The following SPAG8 variants were observed in gnomAD, a reference collection of about 807,000 sequenced individuals.
SPAG8 encodes the protein sperm-associated antigen 8.
SPAG8 carries 36 observed loss-of-function variants against 45.3 expected under a neutral mutation model. The ratio of observed to expected loss-of-function variants is 0.80; its 90% CI spans 0.61 to 1.05. SPAG8 has a LOEUF of 1.05. SPAG8 is among the 50% of genes least tolerant of loss of function. The pLI, the probability that SPAG8 is intolerant of heterozygous loss-of-function variation, is 0.00. For missense variants in SPAG8, 573 were observed against 609.2 expected, an observed-to-expected ratio of 0.94 and a Z score of 0.63; for synonymous variants, 227 against 232.6, an observed-to-expected ratio of 0.98 and a Z score of 0.22.
At chr9:35,808,072 C>T (rs1391978381), downstream of SPAG8, 2 of 842,436 alleles carry the variant, frequency 2.4e-6, no homozygotes, top group Non-Finnish European at 4.0e-6. The surrounding 1 kb of genome is among the most constrained non-coding windows in gnomAD (Gnocchi z 4.0). Context: ...CATTTATTCT[C>T]TTACATAGCT....
downstream of SPAG8, chr9:35,809,441 T>C: frequency 2.5e-6 from 4 of 1,614,232 alleles, no homozygotes; most frequent in Non-Finnish European, 2.5e-6. This position sits in a 1 kb window ranked among gnomAD's most constrained non-coding sequence, Gnocchi z 4.1. Context: ...CCTGGACTCC[T>C]GTAAACCCCC....
chr9:35,810,171 C>G, intron 6 of SPAG8, 39 bp from the exon 7 acceptor site: 4 of 1,608,620 alleles, frequency 2.5e-6, no homozygotes, highest in Non-Finnish European at 3.4e-6. Context: ...CCCACTCTCC[C>G]CAAGCCAGAA....
At position 35,810,910 on chromosome 9, in the gene SPAG8, G is replaced by T. The variant is rs748330272; in HGVS notation, c.1012C>A (p.Pro338Thr). 9.9e-6 allele frequency: 16 copies of T among 1,613,728 alleles called. No individual in the cohort carries two copies. The highest frequency in any genetic ancestry group is 1.2e-5 in the Non-Finnish European group (14 of 1,179,886). ...CGAAGTGGCCAATAGACGTTTCCTGGTGGCTGGTACGAGTCTTTCTGGGTG... is the reference window on the plus strand; with the variant it reads ...CGAAGTGGCCAATAGACGTTTCCTGTTGGCTGGTACGAGTCTTTCTGGGTG... ...STTQKDSYQP[P>T]GNVYWPLRGK... Residue 338 changes from proline (P) to threonine (T), a missense_variant, in exon 3 of 7, where the codon CCA (proline) becomes ACA (threonine). Coordinates refer to ENST00000396638, the MANE Select transcript of SPAG8 (RefSeq NM_001039592.2).
chr9:35,810,831 T>C, intron 3 of SPAG8, 52 bp downstream of exon 3: 1 of 1,597,614 alleles, frequency 6.3e-7, no homozygotes, highest in Non-Finnish European at 8.5e-7. Context: ...TCCTTCCTCT[T>C]CTTCCCTCTG....
Position 35,811,783 on chromosome 9 carries a change from G to T in SPAG8, c.263C>A (p.Ser88Tyr). The change falls in exon 2 of 7, where the codon TCT (serine) becomes TAT (tyrosine). Residue 88 changes from serine (S) to tyrosine (Y), a missense_variant. Transcript: ENST00000396638. Reference protein sequence around the residue: ...APCSEFMEPSSDPSLLGEPCA... With the variant: ...APCSEFMEPSYDPSLLGEPCA... Reference sequence around the variant, plus strand: ...GGGCTCCCCAAGAAGGCTGGGGTCAGAGGACGGCTCCATGAACTCAGAACA... The same window carrying T: ...GGGCTCCCCAAGAAGGCTGGGGTCATAGGACGGCTCCATGAACTCAGAACA... 3 of 1,614,234 alleles carry T rather than the reference G, an allele frequency of 1.9e-6. No individual in the cohort carries two copies. The South Asian group carries it at 3.3e-5, about 18-fold the overall frequency.
chr9:35,809,495 G>A (rs1828642852), downstream of SPAG8: 5 of 1,613,872 alleles, frequency 3.1e-6, no homozygotes, highest in Non-Finnish European at 2.5e-6. This position sits in a 1 kb window ranked among gnomAD's most constrained non-coding sequence, Gnocchi z 4.1. Context: ...GTACCTGGGT[G>A]GGCAATGGCC....
In SPAG8 at chr9:35,811,687, C is replaced by G. The variant is rs755726673; in HGVS notation, c.359G>C (p.Cys120Ser). ...SLGFEPVYVS[C>S]IAQDTCTTTD... ...TGTAGTGCAAGTGTCCTGAGCAATA[C>G]AGGAAACATAGACGGGCTCAAAGCC... The change falls in exon 2 of 7, where the codon TGT (cysteine) becomes TCT (serine). Residue 120 changes from cysteine (C) to serine (S), a missense_variant. By Grantham distance (112) the Cys-to-Ser change is moderately radical (BLOSUM62 -1). Transcript: ENST00000396638. 1.9e-5 allele frequency: 30 copies of G among 1,614,110 alleles called. No individual in the cohort carries two copies. The highest frequency in any genetic ancestry group is 2.5e-5 in the Non-Finnish European group (29 of 1,180,056).
chr9:35,810,249 G>C lies in SPAG8; in HGVS notation c.1261C>G (p.Pro421Ala). 1 of 1,614,096 alleles carries C rather than the reference G, an allele frequency of 6.2e-7. No homozygotes were observed. Among genetic ancestry groups the C allele is most frequent in the Non-Finnish European group, 8.5e-7 (1 of 1,179,946 alleles). Residue 421 changes from proline to alanine, a missense_variant and splice_region_variant, in exon 6 of 7, where the codon CCG (proline) becomes GCG (alanine). Transcript: ENST00000396638. Reference protein sequence around the residue: ...TFWIQRAPQLPGVSNIRTLDT... With the variant: ...TFWIQRAPQLAGVSNIRTLDT... ...AACACCTAGTCACCCTCACACACCG[G>C]CAGCTGTGGTGCCCTCTGTATCCAG...
rs760570462 is a variant in SPAG8 at position 35,810,126 on chromosome 9, T to C, written c.1270A>G (p.Ser424Gly). 3 of 1,611,022 alleles carry C rather than the reference T, an allele frequency of 1.9e-6. No homozygotes were observed. In the South Asian group the frequency reaches 3.3e-5, roughly 18 times the overall value. Residue 424 changes from serine (S) to glycine (G), a missense_variant, in exon 7 of 7, where the codon AGT (serine) becomes GGT (glycine). Ser to Gly is a moderately conservative substitution (Grantham distance 56, BLOSUM62 0). Transcript: ENST00000396638. ...GGTGTGTCCAATGTCCTGATGTTAC[T>C]GACACCCTGGAGGAGTGCCAGGATG... The part of the protein sequence containing the change: ...IQRAPQLPGV[S>G]NIRTLDTPFR...
At chr9:35,811,111 G>A in intron 2 of SPAG8, 54 bp from the exon 3 acceptor site, 2 of 1,576,510 alleles carry the variant, frequency 1.3e-6, no homozygotes, top group Non-Finnish European at 1.7e-6. Context: ...CCACCCTCAT[G>A]TAAACTACTG....
rs1405865148 is a variant in SPAG8 at position 35,811,336 on chromosome 9, CA to C, written c.709del (p.Trp237GlyfsTer15). The part of the protein sequence containing the change: ...NYTSWSQHCP[W>X]EPQKQPPWEF... ...CCAAGGTGGTTGTTTCTGGGGCTCC[CA>C]GGGGCAGTGCTGACTCCAGGAGGTA... On this transcript the variant is annotated frameshift_variant, in exon 2 of 7. Coordinates refer to ENST00000396638, the MANE Select transcript of SPAG8 (RefSeq NM_001039592.2). LOFTEE classifies it high-confidence loss of function. The C allele has an allele frequency of 1.9e-6, 3 of 1,614,176 alleles. No homozygotes were observed. The highest frequency in any genetic ancestry group is 1.7e-6 in the Non-Finnish European group (2 of 1,180,024).
Position 35,811,531 on chromosome 9 carries a change from CCAGAGCCAGGGA to C in SPAG8, c.503_514del (p.Val168_Ser171del). 1 of 1,606,364 alleles carries C rather than the reference CCAGAGCCAGGGA, an allele frequency of 6.2e-7. No individual in the cohort carries two copies. Among genetic ancestry groups the C allele is most frequent in the Non-Finnish European group, 8.5e-7 (1 of 1,175,642 alleles). On this transcript the variant is annotated inframe_deletion, in exon 2 of 7. Coordinates refer to ENST00000396638, the MANE Select transcript of SPAG8 (RefSeq NM_001039592.2). ...ACCAGAGCCAGGACCAGGACCAGAG[CCAGAGCCAGGGA>C]CAGAGCCACAGCCAGGACCAGAGCC...
At position 35,812,020 on chromosome 9, in the gene SPAG8, G is replaced by A. The variant is rs758389786; in HGVS notation, c.45-19C>T. The A allele has an allele frequency of 6.2e-7, 1 of 1,607,940 alleles. No individual in the cohort carries two copies. Among genetic ancestry groups the A allele is most frequent in the South Asian group, 1.1e-5 (1 of 90,568 alleles). ...TAAAGATCTGAAAGAAAGCAAACAC[G>A]ACATGGCTGTCAAAAGCGCAGCAGA... is the stretch of plus-strand genomic sequence containing the variant. On this transcript the variant is annotated intron_variant, in intron 1 of 6. Transcript: ENST00000396638.
rs1828746813 is a variant in SPAG8, at chr9:35,810,775, G to T, written c.1040-93C>A. On this transcript the variant is annotated intron_variant, in intron 3 of 6. Transcript: ENST00000396638. ...TGAGAAAAGGAAGAAGAACCTTGGG[G>T]TTCCGCCCTTATATCCACTGGAGAA... is the stretch of plus-strand genomic sequence containing the variant. The T allele has an allele frequency of 2.9e-5, 47 of 1,601,630 alleles. 1 individual carries two copies. In the South Asian group the frequency reaches 4.9e-4, roughly 17 times the overall value.
chr9:35,810,531 C>T lies in SPAG8; in HGVS notation c.1108G>A (p.Glu370Lys). The T allele has an allele frequency of 6.2e-7, 1 of 1,614,164 alleles. No homozygotes were observed. The highest frequency in any genetic ancestry group is 8.5e-7 in the Non-Finnish European group (1 of 1,180,036). The change falls in exon 5 of 7, where the codon GAA becomes AAA. Residue 370 changes from glutamate (E) to lysine (K), a missense_variant. Coordinates refer to ENST00000396638, the MANE Select transcript of SPAG8 (RefSeq NM_001039592.2). ...ACCTCGAAGAGCTTCCTTGTGGGTT[C>T]CTGTTCTGCCTGCACCTCTTTACTA... ...QICKEVQAEQEPTRKLFEVES... is the reference protein window; with the variant it reads ...QICKEVQAEQKPTRKLFEVES...
At chr9:35,810,850 G>A (rs549382673) in intron 3 of SPAG8, 33 bp downstream of exon 3, 1 of 1,604,608 alleles carries the variant, frequency 6.2e-7, no homozygotes, top group South Asian at 1.1e-5. Flanking sequence ...TGAGTAATGG[G>A]CTCGTTCTGG....
chr9:35,812,110 C>G lies in SPAG8; in HGVS notation c.38G>C (p.Arg13Pro). 1.2e-6 allele frequency: 2 copies of G among 1,610,016 alleles called. No homozygotes were observed. The highest frequency in any genetic ancestry group is 1.7e-6 in the Non-Finnish European group (2 of 1,180,004). Reference sequence around the variant, plus strand: ...CCAGAGCTGCGGCTCTCACCGCGACCGCGACCGCGATCCCTCCGTAGACTC... The same window carrying G: ...CCAGAGCTGCGGCTCTCACCGCGACGGCGACCGCGATCCCTCCGTAGACTC... ...TNESTEGSRS[R>P]SRSLDIQPSS... The change falls in exon 1 of 7, where the codon CGG (arginine) becomes CCG (proline). Residue 13 changes from arginine to proline, a missense_variant. Transcript: ENST00000396638.
downstream of SPAG8, chr9:35,809,064 G>T (rs1828597195): frequency 1.6e-6 from 2 of 1,255,124 alleles, no homozygotes; most frequent in Non-Finnish European, 2.3e-6. This position sits in a 1 kb window ranked among gnomAD's most constrained non-coding sequence, Gnocchi z 4.1. Context: ...GGGATGGTTG[G>T]TCGGGCACGG....
At chr9:35,812,077 G>A (rs760280027) in intron 1 of SPAG8, 27 bp downstream of exon 1, 9 of 1,612,206 alleles carry the variant, frequency 5.6e-6, no homozygotes, top group Admixed American at 3.3e-5. Context: ...GTCCCCTTAT[G>A]CCTGCAGCCA....
Sources: allele counts gnomAD v4.1 joint callset, GRCh38; gene constraint gnomAD v4.1.1; non-coding constraint Gnocchi (gnomAD v3.1); transcripts MANE v1.5; gene names NCBI Gene and HGNC (gene_info 2026-07-23, HGNC 2026-07-21).